The following CEP128 variants were observed in gnomAD, a reference collection of about 807,000 sequenced individuals.
The protein encoded by CEP128 is centrosomal protein 128kDa.
CEP128 carries 132 observed loss-of-function variants against 156.7 expected under a neutral mutation model. The ratio of observed to expected loss-of-function variants is 0.84; its 90% CI spans 0.73 to 0.97. The LOEUF (loss-of-function observed/expected upper bound fraction) is 0.97. CEP128 is among the 50% of genes least tolerant of loss of function. The pLI, the probability that CEP128 is intolerant of heterozygous loss-of-function variation, is 0.00. For synonymous variants in CEP128, 469 were observed against 448.9 expected (o/e 1.04, Z -0.57); for missense variants, 1,252 against 1,281.9 (o/e 0.98, Z 0.36).
At chr14:80,815,457 C>T (rs116885526) in intron 13 of CEP128, among the ~76,000 whole-genome samples, 2 of 152,136 alleles carry the variant, frequency 1.3e-5, no homozygotes, top group Non-Finnish European at 2.9e-5. Context: ...AATGCTGGTA[C>T]ACTGTTGATG....
intron 2 of CEP128, among the ~76,000 whole-genome samples, chr14:80,922,046 A>T (rs139895143): frequency 8.5e-4 from 130 of 152,348 alleles, no homozygotes; most frequent in African/African-American, 2.8e-3. Flanking sequence ...GTATAATCAG[A>T]AAGAAAACTA....
intron 19 of CEP128, among the ~76,000 whole-genome samples, chr14:80,713,323 ACTTCTGT>A (rs1218936956): frequency 6.6e-6 from 1 of 151,918 alleles, no homozygotes; most frequent in East Asian, 1.9e-4. Context: ...ATATACTACG[ACTTCTGT>A]CTTTGGAAAC....
Position 80,906,036 on chromosome 14 carries a change from G to A in CEP128, c.280C>T (p.Arg94Cys), listed in dbSNP as rs115620263. ...EQSIDQLRSQ[R>C]LLRNSGGRSI... ...CTCCCTCCTGAGTTTCTCAATAAACGTTGACTCCGGAGTTGGTCGATTGAT... is the reference window on the plus strand; with the variant it reads ...CTCCCTCCTGAGTTTCTCAATAAACATTGACTCCGGAGTTGGTCGATTGAT... Residue 94 changes from arginine to cysteine, a missense_variant, in exon 5 of 25, where the codon CGT (arginine) becomes TGT (cysteine). By Grantham distance (180) the Arg-to-Cys change is radical. Transcript: ENST00000555265. The A allele has an allele frequency of 6.2e-6, 10 of 1,611,918 alleles. No homozygotes were observed. The African/African-American group carries it at 9.3e-5, about 15-fold the overall frequency.
chr14:80,626,416 A>G (rs1324707805), intron 19 of CEP128, among the ~76,000 whole-genome samples: 1 of 141,560 alleles, frequency 7.1e-6, no homozygotes, highest in Non-Finnish European at 1.5e-5. Context: ...GTGAGCCGAG[A>G]TTGCGCCACT....
intron 13 of CEP128, among the ~76,000 whole-genome samples, 169 bp from the exon 14 acceptor site, chr14:80,793,279 C>T (rs989808669): frequency 6.6e-6 from 1 of 152,096 alleles, no homozygotes; most frequent in African/African-American, 2.4e-5. Flanking sequence ...ATTTTATAAC[C>T]ACATTAGTTG....
chr14:80,783,248 A>G (rs73344625), intron 15 of CEP128, among the ~76,000 whole-genome samples: 9 of 152,140 alleles, frequency 5.9e-5, no homozygotes, highest in African/African-American at 2.2e-4. Context: ...TGGCAATAGT[A>G]TCATTATCCA....
chr14:80,816,618 A>T (rs1324168836), intron 13 of CEP128, among the ~76,000 whole-genome samples: 1 of 152,194 alleles, frequency 6.6e-6, no homozygotes, highest in Non-Finnish European at 1.5e-5. Flanking sequence ...GTTGTGCAAG[A>T]TCGTGCTGAG....
At chr14:80,654,696 C>G (rs546469451) in intron 19 of CEP128, among the ~76,000 whole-genome samples, 1 of 152,066 alleles carries the variant, frequency 6.6e-6, no homozygotes, top group African/African-American at 2.4e-5. Context: ...TTTATAAAAA[C>G]ATTTTCTCTT....
intron 2 of CEP128, among the ~76,000 whole-genome samples, chr14:80,937,194 AC>A (rs202054412): frequency 0.015 from 2,301 of 151,964 alleles, 23 homozygotes; most frequent in Middle Eastern, 0.051. Flanking sequence ...GGTAGTGCAC[AC>A]CTGTAGTCCT....
At chr14:80,492,583 T>C (rs1055778438), downstream of CEP128, among the ~76,000 whole-genome samples, 5 of 152,164 alleles carry the variant, frequency 3.3e-5, no homozygotes, top group African/African-American at 7.2e-5. Context: ...AATAGAAATA[T>C]AGTATCTCAA....
In CEP128 at chr14:80,955,554, C is replaced by T; in HGVS notation, c.-172+2624G>A. Reference sequence around the variant, plus strand: ...CTCCACAGTGGTGAGGTCACAGCCCCTTGGAGCCCTCCCTCTTCCCACCCC... The same window carrying T: ...CTCCACAGTGGTGAGGTCACAGCCCTTTGGAGCCCTCCCTCTTCCCACCCC... On this transcript the variant is annotated intron_variant, in intron 2 of 7. Coordinates refer to the CEP128 transcript ENST00000555529. 2.6e-6 allele frequency: 3 copies of T among 1,165,652 alleles called. No individual in the cohort carries two copies. In the South Asian group the frequency reaches 3.7e-5, roughly 14 times the overall value. 72.2% of individuals were successfully genotyped at this position (1,165,652 alleles called of 1,614,324 possible). A position where few individuals can be genotyped will look rare whatever the true frequency, so the allele number is the denominator to read the frequency against.
chr14:80,693,245 C>A (rs1178124677), intron 19 of CEP128, among the ~76,000 whole-genome samples: 1 of 152,126 alleles, frequency 6.6e-6, no homozygotes, highest in African/African-American at 2.4e-5. Context: ...GTTTTCAAGT[C>A]CCCTGTAAAA....
rs58238935 is a variant in CEP128 at position 80,911,883 on chromosome 14, C to G, written c.234+2439G>C. Among the ~76,000 whole-genome samples the G allele has an allele frequency of 1.9e-3, 291 of 152,296 alleles. 1 individual carries two copies. The highest frequency in any genetic ancestry group is 6.7e-3 in the African/African-American group (278 of 41,574). ...ATTCCCTAAACATGTATTTACAACT[C>G]AGATGGAAATACCTGTTGAATTTAT... On this transcript the variant is annotated intron_variant, in intron 4 of 24. Coordinates refer to ENST00000555265, the MANE Select transcript of CEP128 (RefSeq NM_152446.5).
chr14:80,530,303 A>T (rs1390456993), intron 22 of CEP128, among the ~76,000 whole-genome samples: 1 of 152,198 alleles, frequency 6.6e-6, no homozygotes, highest in Admixed American at 6.5e-5. Context: ...CATGTAACTA[A>T]TTGGCTTGAT....
rs528793749 is a variant in CEP128 at position 80,681,427 on chromosome 14, C to T, written c.2806+61648G>A. On this transcript the variant is annotated intron_variant, in intron 19 of 24. Coordinates refer to ENST00000555265, the MANE Select transcript of CEP128 (RefSeq NM_152446.5). ...AACCAAAATGGAAACTCAGAAATAA[C>T]AGATAAGAAAATTCAAAGGCCAGAC... is the stretch of plus-strand genomic sequence containing the variant. Among the ~76,000 whole-genome samples, 14 of 152,230 alleles carry T rather than the reference C, an allele frequency of 9.2e-5. No individual in the cohort carries two copies. In the East Asian group the frequency reaches 2.5e-3, roughly 27 times the overall value.
At chr14:80,629,519 T>A (rs1566821794) in intron 19 of CEP128, among the ~76,000 whole-genome samples, 2 of 147,520 alleles carry the variant, frequency 1.4e-5, no homozygotes, top group African/African-American at 5.0e-5. Context: ...TAATATATTT[T>A]TTTTTTCTTT....
intron 19 of CEP128, among the ~76,000 whole-genome samples, chr14:80,721,454 G>A (rs898383797): frequency 3.2e-4 from 48 of 152,158 alleles, no homozygotes; most frequent in African/African-American, 9.4e-4. Flanking sequence ...AATACATGCC[G>A]GATTTTGGCA....
chr14:80,579,367 T>C (rs1050313749), intron 20 of CEP128, among the ~76,000 whole-genome samples: 5 of 152,100 alleles, frequency 3.3e-5, no homozygotes, highest in Admixed American at 1.3e-4. Context: ...GTACAAGATG[T>C]TAAAATAATC....
intron 22 of CEP128, 58 bp downstream of exon 22, chr14:80,530,751 A>T: frequency 8.2e-7 from 1 of 1,223,110 alleles, no homozygotes; most frequent in Non-Finnish European, 1.2e-6. Context: ...CATCAGGAAG[A>T]TGTCAAGTGT....
Sources: gnomAD v4.1 joint callset for allele counts (sites outside exome capture counted in the v4.1 genomes callset) on GRCh38, gnomAD v4.1.1 for gene constraint, MANE v1.5 for transcripts, NCBI Gene and HGNC (gene_info 2026-07-23, HGNC 2026-07-21) for gene names.